The following TBCK variants were observed in gnomAD, a reference collection of about 807,000 sequenced individuals.
TBCK encodes the protein TBC1 domain containing kinase, also known as TBC domain-containing protein kinase-like protein.
TBCK carries 99 observed loss-of-function variants against 113.4 expected under a neutral mutation model. The observed-to-expected ratio is 0.87, with a 90% CI of 0.74 to 1.03. The LOEUF (loss-of-function observed/expected upper bound fraction) is 1.03. TBCK is among the 50% of genes least tolerant of loss of function. TBCK has a pLI of 0.00. For missense variants in TBCK, 1,045 were observed against 1,061.3 expected (o/e 0.98, Z 0.21); for synonymous variants, 369 against 370.8 (o/e 1.00, Z 0.05).
chr4:106,157,800 G>A (rs2149698973), intron 23 of TBCK, among the ~76,000 whole-genome samples: 1 of 152,214 alleles, frequency 6.6e-6, no homozygotes, highest in South Asian at 2.1e-4. Context: ...TGCTTTGCTT[G>A]TGTAGACAGT....
chr4:106,189,499 C>G (rs1307017671), intron 22 of TBCK, among the ~76,000 whole-genome samples: 2 of 152,050 alleles, frequency 1.3e-5, no homozygotes, highest in Non-Finnish European at 2.9e-5. Context: ...CAACTGTGTA[C>G]TACAGTTGCT....
chr4:106,260,571 TTA>T, intron 4 of TBCK, 61 bp from the exon 5 acceptor site: 1 of 526,688 alleles, frequency 1.9e-6, no homozygotes, highest in Non-Finnish European at 3.2e-6. Flanking sequence ...AACATATAAT[TTA>T]TATTATAAAA....
intron 23 of TBCK, among the ~76,000 whole-genome samples, chr4:106,135,104 G>C (rs1746403605): frequency 6.6e-6 from 1 of 152,088 alleles, no homozygotes; most frequent in Admixed American, 6.6e-5. Flanking sequence ...GAACTAGCCT[G>C]TGCTGGCCAT....
At chr4:106,148,073 C>T (rs1191230306) in intron 23 of TBCK, among the ~76,000 whole-genome samples, 2 of 152,164 alleles carry the variant, frequency 1.3e-5, no homozygotes. Flanking sequence ...AGAGGAAATT[C>T]CCACCTAATA....
At chr4:106,189,768 T>C (rs943828743) in intron 22 of TBCK, among the ~76,000 whole-genome samples, 6 of 152,030 alleles carry the variant, frequency 3.9e-5, no homozygotes, top group African/African-American at 1.2e-4. Context: ...TCAACAAATA[T>C]ATTTTTAAAA....
rs1740664120 is a variant in TBCK at position 106,094,291 on chromosome 4, C to T, written c.2571+1191G>A. Among the ~76,000 whole-genome samples, 2 of 152,000 alleles carry T rather than the reference C, an allele frequency of 1.3e-5. 1 individual carries two copies. Among genetic ancestry groups the T allele is most frequent in the South Asian group, 4.2e-4 (2 of 4,802 alleles). Reference sequence around the variant, plus strand: ...TGTGCAGGTGGGGATGGGAGGGTTACCTTTAGCCAATATCAGAATTGAATT... The same window carrying T: ...TGTGCAGGTGGGGATGGGAGGGTTATCTTTAGCCAATATCAGAATTGAATT... On this transcript the variant is annotated intron_variant, in intron 25 of 25. Coordinates refer to ENST00000394708, the MANE Select transcript of TBCK (RefSeq NM_001163435.3).
intron 23 of TBCK, among the ~76,000 whole-genome samples, chr4:106,170,232 T>C (rs1750832797): frequency 6.6e-6 from 1 of 152,174 alleles, no homozygotes; most frequent in Admixed American, 6.6e-5. Flanking sequence ...AGACAACTAC[T>C]ACTTTTGGAA....
At chr4:106,072,119 T>G (rs1018989270) in intron 25 of TBCK, among the ~76,000 whole-genome samples, 1 of 152,218 alleles carries the variant, frequency 6.6e-6, no homozygotes, top group African/African-American at 2.4e-5. Flanking sequence ...TTGTTATGTG[T>G]GAATTTGATC....
intron 10 of TBCK, 136 bp downstream of exon 10, chr4:106,247,003 C>T: frequency 1.1e-6 from 1 of 888,032 alleles, no homozygotes; most frequent in Non-Finnish European, 1.6e-6. Flanking sequence ...ATATTTTAAT[C>T]ACTTCCAGAA....
At chr4:106,209,676 A>G (rs1167497016) in intron 20 of TBCK, among the ~76,000 whole-genome samples, 1 of 152,098 alleles carries the variant, frequency 6.6e-6, no homozygotes, top group Non-Finnish European at 1.5e-5. Flanking sequence ...TCTCTGTCAT[A>G]TATCACCAAA....
chr4:106,264,830 G>A (rs551061695), intron 3 of TBCK, among the ~76,000 whole-genome samples: 27 of 151,974 alleles, frequency 1.8e-4, no homozygotes, highest in Non-Finnish European at 3.4e-4. Context: ...CATACAGAGA[G>A]CATGAGTAGA....
intron 23 of TBCK, among the ~76,000 whole-genome samples, chr4:106,166,263 A>G (rs1324288765): frequency 9.9e-5 from 15 of 151,854 alleles, no homozygotes; most frequent in African/African-American, 3.6e-4. Context: ...AATTCTATAA[A>G]CATAAAAAAT....
intron 22 of TBCK, among the ~76,000 whole-genome samples, chr4:106,184,583 G>C (rs1009093364): frequency 6.6e-6 from 1 of 151,936 alleles, no homozygotes; most frequent in Non-Finnish European, 1.5e-5. Flanking sequence ...TACATATATA[G>C]AGATACATGT....
intron 25 of TBCK, among the ~76,000 whole-genome samples, chr4:106,073,986 C>T (rs11732251): frequency 1.3e-5 from 2 of 152,028 alleles, no homozygotes; most frequent in Non-Finnish European, 2.9e-5. Flanking sequence ...CAGTATTAAG[C>T]TGGAATGTCC....
At chr4:106,231,606 T>C (rs1263170412) in intron 18 of TBCK, 123 bp downstream of exon 18, 1 of 800,930 alleles carries the variant, frequency 1.2e-6, no homozygotes, top group East Asian at 2.7e-5. Flanking sequence ...TAATAGATTA[T>C]TTCACAGAAA....
Position 106,309,028 on chromosome 4 carries a change from A to T in TBCK, c.-29-39T>A, listed in dbSNP as rs1320157632. The stretch of plus-strand genomic sequence containing the variant: ...GAATTTTAGGACAGACCAAACATTA[A>T]GCCAGACAGACCAAATCTTAAGCAT... On this transcript the variant is annotated intron_variant, in intron 1 of 25. Transcript: ENST00000394708. 5.1e-6 allele frequency: 7 copies of T among 1,373,632 alleles called. No individual in the cohort carries two copies. The East Asian group carries it at 1.2e-4, about 24-fold the overall frequency. The allele number at this position is 1,373,632 out of a possible 1,614,324, so 85.1% of individuals were successfully genotyped here.
chr4:106,261,227 T>C, intron 4 of TBCK, among the ~76,000 whole-genome samples: 1 of 152,232 alleles, frequency 6.6e-6, no homozygotes, highest in East Asian at 1.9e-4. Context: ...GATAAGGTAA[T>C]GATTCTTTAC....
In TBCK at chr4:106,132,007, T is replaced by C. The variant is rs562572482; in HGVS notation, c.2236-15629A>G. On this transcript the variant is annotated intron_variant, in intron 23 of 25. Transcript: ENST00000394708. ...GTATCTGGTGGAAGAAATTTCCAAGTTGTAAAGCATTCAAGAGGAAGCAGA... is the reference window on the plus strand; with the variant it reads ...GTATCTGGTGGAAGAAATTTCCAAGCTGTAAAGCATTCAAGAGGAAGCAGA... 3.6e-3 allele frequency among the ~76,000 whole-genome samples: 542 copies of C among 152,268 alleles called. 4 individuals are homozygous for C. The highest frequency in any genetic ancestry group is 0.012 in the African/African-American group (487 of 41,568).
chr4:106,088,793 C>A (rs1157951353), intron 25 of TBCK, among the ~76,000 whole-genome samples: 2 of 152,144 alleles, frequency 1.3e-5, no homozygotes, highest in Non-Finnish European at 2.9e-5. Flanking sequence ...ATGGATGAAG[C>A]TGGAAGCCAT....
Sources: allele counts gnomAD v4.1 joint callset (sites outside exome capture counted in the v4.1 genomes callset), GRCh38; gene constraint gnomAD v4.1.1; transcripts MANE v1.5; gene names NCBI Gene and HGNC (gene_info 2026-07-23, HGNC 2026-07-21).